ACOX3: variants seen among roughly 807,000 people sequenced by gnomAD.
ACOX3 encodes peroxisomal acyl-coenzyme A oxidase 3.
Under a neutral mutation model 81.5 loss-of-function variants are expected in ACOX3, and 73 were observed. The ratio of observed to expected loss-of-function variants is 0.90; its 90% confidence interval spans 0.74 to 1.09. The LOEUF (loss-of-function observed/expected upper bound fraction) is 1.09. Ranked by LOEUF, ACOX3 falls within the 50% of genes least tolerant of loss-of-function variation. The pLI is 0.00. For synonymous variants in ACOX3, 387 were observed against 375.1 expected (o/e 1.03, Z -0.37); for missense variants, 947 against 928.0 (o/e 1.02, Z -0.27).
intron 13 of ACOX3, among the ~76,000 whole-genome samples, chr4:8,383,871 T>C (rs1347442911): frequency 6.6e-6 from 1 of 152,158 alleles, no homozygotes; most frequent in East Asian, 1.9e-4. Context: ...CAAGGAAAGG[T>C]AGACGCCGTA....
chr4:8,392,987 TAAC>T (rs1352693980), intron 10 of ACOX3: 1 of 152,208 alleles, frequency 6.6e-6, no homozygotes, highest in Non-Finnish European at 1.5e-5. Flanking sequence ...CCCTCAGGCC[TAAC>T]ATGTTTTATT....
At chr4:8,402,647 T>C (rs1472017518) in intron 7 of ACOX3, among the ~76,000 whole-genome samples, 2 of 152,238 alleles carry the variant, frequency 1.3e-5, no homozygotes, top group Non-Finnish European at 2.9e-5. Flanking sequence ...ACAAAAGCTA[T>C]TACAGTGGTG....
chr4:8,422,621 A>G (rs779127091), intron 1 of ACOX3, among the ~76,000 whole-genome samples: 52 of 152,198 alleles, frequency 3.4e-4, no homozygotes, highest in Non-Finnish European at 6.2e-4. Context: ...ATTCGCTTTC[A>G]TCCTGATCTA....
rs959072391 is a variant in ACOX3 at position 8,423,707 on chromosome 4, G to A, written c.-14-7172C>T. On this transcript the variant is annotated intron_variant, in intron 1 of 17. Transcript: ENST00000356406. The surrounding 1 kb of genome is among the most constrained non-coding windows in gnomAD (Gnocchi z 4.2). ...TCCCAAATACCAGAGGAAGCAGAGT[G>A]GTTTACAGTCCTGGACCTTAAGGAT... Among the ~76,000 whole-genome samples the A allele has an allele frequency of 6.6e-6, 1 of 152,136 alleles. No homozygotes were observed. The highest frequency in any genetic ancestry group is 1.5e-5 in the Non-Finnish European group (1 of 68,032).
chr4:8,360,076 C>T, the ACOX3 span, among the ~76,000 whole-genome samples: 988 of 152,304 alleles, frequency 6.5e-3, 9 homozygotes, highest in Middle Eastern at 0.037. Flanking sequence ...GATGAGGTTT[C>T]CTTCTTGTCT....
intron 7 of ACOX3, among the ~76,000 whole-genome samples, chr4:8,401,913 C>T (rs1720413049): frequency 6.6e-6 from 1 of 152,220 alleles, no homozygotes; most frequent in Admixed American, 6.5e-5. Context: ...GAGGCGGACC[C>T]CAGGGTGGGA....
In ACOX3 at chr4:8,385,011, GC is replaced by G. The variant is rs1282807030; in HGVS notation, c.1538-3405del. ...TTCCAAGGAAGTGTTCAGGACTGTG[GC>G]CCCCCACACGCAGCAGCCCCCCACC... On this transcript the variant is annotated intron_variant, in intron 13 of 17. Transcript: ENST00000356406. The surrounding 1 kb of genome is among the most constrained non-coding windows in gnomAD (Gnocchi z 5.5). Among the ~76,000 whole-genome samples, 1 of 152,110 alleles carries G rather than the reference GC, an allele frequency of 6.6e-6. No individual in the cohort carries two copies. Among genetic ancestry groups the G allele is most frequent in the Non-Finnish European group, 1.5e-5 (1 of 68,016 alleles).
chr4:8,440,647 C>T lies in ACOX3; in HGVS notation c.-15+1G>A. 3 of 722,134 alleles carry T rather than the reference C, an allele frequency of 4.2e-6. No individual in the cohort carries two copies. The highest frequency in any genetic ancestry group is 5.1e-5 in the South Asian group (2 of 39,288). The allele number at this position is 722,134 out of a possible 1,614,324, so 44.7% of individuals were successfully genotyped here. A position where few individuals can be genotyped will look rare whatever the true frequency, so the allele number is the denominator to read the frequency against. On this transcript the variant is annotated splice_donor_variant, in intron 1 of 17. Transcript: ENST00000356406. LOFTEE classifies it low-confidence loss of function (5UTR_SPLICE). ...AATAAAACACAGGTCAAATTCCTCA[C>T]CCACACACTCCACAGTTCAACCCCT...
Position 8,406,858 on chromosome 4 carries a change from G to A in ACOX3, c.688-815C>T, listed in dbSNP as rs948742379. Among the ~76,000 whole-genome samples the A allele has an allele frequency of 4.6e-5, 7 of 152,204 alleles. No homozygotes were observed. Among genetic ancestry groups the A allele is most frequent in the African/African-American group, 7.2e-5 (3 of 41,456 alleles). On this transcript the variant is annotated intron_variant, in intron 6 of 17. Transcript: ENST00000356406. The surrounding 1 kb of genome is among the most constrained non-coding windows in gnomAD (Gnocchi z 5.6). The stretch of plus-strand genomic sequence containing the variant: ...ACTAGGAGCGTGACCACTGAAGCAC[G>A]GCATCACAGGGAGACGGTTAGTCCT...
rs769378828 is a variant in ACOX3 at position 8,406,026 on chromosome 4, G to C, written c.705C>G (p.Thr235=). The change falls in exon 7 of 18, where the codon ACC becomes ACG. Residue 235 remains threonine (T), a synonymous_variant. Transcript: ENST00000356406. This position sits in a 1 kb window ranked among gnomAD's most constrained non-coding sequence, Gnocchi z 5.6. The part of the protein sequence containing the change: ...PFIVQIRDPK[T]LLPMPGVMVG... The stretch of plus-strand genomic sequence containing the variant: ...CCATCACTCCAGGCATGGGAAGAAG[G>C]GTCTTCGGGTCCCGGATCTATACAA... 8.7e-6 allele frequency: 14 copies of C among 1,614,126 alleles called. No individual in the cohort carries two copies. In the South Asian group the frequency reaches 1.4e-4, roughly 16 times the overall value.
At chr4:8,426,296 G>A (rs1264683882) in intron 1 of ACOX3, among the ~76,000 whole-genome samples, 1 of 152,094 alleles carries the variant, frequency 6.6e-6, no homozygotes, top group African/African-American at 2.4e-5. Context: ...ATACTGGGAA[G>A]GACCCTACCC....
In ACOX3 at chr4:8,370,486, G is replaced by C. The variant is rs1716041466; in HGVS notation, c.1983+422C>G. 6.6e-6 allele frequency among the ~76,000 whole-genome samples: 1 copy of C among 151,788 alleles called. No homozygotes were observed. The highest frequency in any genetic ancestry group is 2.1e-4 in the South Asian group (1 of 4,814). ...CCCCGGTGACAACCATGGATGGTCAGAGGGGACAGAGGGGCCTGGGGATTC... is the reference window on the plus strand; with the variant it reads ...CCCCGGTGACAACCATGGATGGTCACAGGGGACAGAGGGGCCTGGGGATTC... On this transcript the variant is annotated intron_variant, in intron 17 of 17. Coordinates refer to ENST00000356406, the MANE Select transcript of ACOX3 (RefSeq NM_003501.3). The surrounding 1 kb of genome is among the most constrained non-coding windows in gnomAD (Gnocchi z 6.3).
chr4:8,371,054 G>T, intron 16 of ACOX3, 60 bp from the exon 17 acceptor site: 1 of 1,522,432 alleles, frequency 6.6e-7, no homozygotes, highest in Non-Finnish European at 9.1e-7. Context: ...GGTGACCAAA[G>T]CATAACAGCC....
At chr4:8,363,478 T>C (rs1302949751), downstream of ACOX3, among the ~76,000 whole-genome samples, 3 of 151,992 alleles carry the variant, frequency 2.0e-5, no homozygotes, top group Non-Finnish European at 4.4e-5. Flanking sequence ...TAGGCAGGAG[T>C]ATCATGGACC....
rs1279718650 is a variant in ACOX3, at chr4:8,423,249, C to T, written c.-14-6714G>A. Among the ~76,000 whole-genome samples the T allele has an allele frequency of 6.6e-6, 1 of 152,112 alleles. No individual in the cohort carries two copies. The highest frequency in any genetic ancestry group is 1.9e-4 in the East Asian group (1 of 5,190). On this transcript the variant is annotated intron_variant, in intron 1 of 17. Transcript: ENST00000356406. This position sits in a 1 kb window ranked among gnomAD's most constrained non-coding sequence, Gnocchi z 4.2. The stretch of plus-strand genomic sequence containing the variant: ...CTTGCCTTTCTAATTATGCCTGAAA[C>T]CCCCACACCCTTGTTAGGGAGATAC...
chr4:8,365,449 C>T (rs192059433), downstream of ACOX3, among the ~76,000 whole-genome samples: 1 of 152,244 alleles, frequency 6.6e-6, no homozygotes, highest in African/African-American at 2.4e-5. Flanking sequence ...TGGATACCAG[C>T]ACCTACCTAT....
rs1268084462 is a variant in ACOX3, at chr4:8,405,283, C to A, written c.776+672G>T. On this transcript the variant is annotated intron_variant, in intron 7 of 17. Transcript: ENST00000356406. This position sits in a 1 kb window ranked among gnomAD's most constrained non-coding sequence, Gnocchi z 7.1. Reference sequence around the variant, plus strand: ...TTCCCACTGCTTCCTCCACCTGAAACGCTGCACATTCCAAAATCACTGGCC... The same window carrying A: ...TTCCCACTGCTTCCTCCACCTGAAAAGCTGCACATTCCAAAATCACTGGCC... Among the ~76,000 whole-genome samples the A allele has an allele frequency of 1.3e-5, 2 of 152,182 alleles. No individual in the cohort carries two copies. Among genetic ancestry groups the A allele is most frequent in the African/African-American group, 4.8e-5 (2 of 41,444 alleles).
rs545443434 is a variant in ACOX3 at position 8,440,681 on chromosome 4, A to C, written c.-48T>G. 5.2e-5 allele frequency: 57 copies of C among 1,094,112 alleles called. No individual in the cohort carries two copies. In the South Asian group the frequency reaches 1.0e-3, roughly 20 times the overall value. 67.8% of individuals were successfully genotyped at this position (1,094,112 alleles called of 1,614,324 possible). On this transcript the variant is annotated 5_prime_UTR_variant, in exon 1 of 18. Transcript: ENST00000356406. ...TCCACAGTTCAACCCCTGCCAGGGA[A>C]ACCAAAAGCAGGAAAGGATCTCCAG...
chr4:8,364,504 T>A (rs575394358), downstream of ACOX3, among the ~76,000 whole-genome samples: 1 of 93,962 alleles, frequency 1.1e-5, no homozygotes, highest in Non-Finnish European at 2.4e-5. The surrounding 1 kb of genome is among the most constrained non-coding windows in gnomAD (Gnocchi z 5.0). Flanking sequence ...GTGTCTGACA[T>A]GGTGACATCG....
Sources: allele counts gnomAD v4.1 joint callset (sites outside exome capture counted in the v4.1 genomes callset), GRCh38; gene constraint gnomAD v4.1.1; non-coding constraint Gnocchi (gnomAD v3.1); transcripts MANE v1.5; gene names NCBI Gene and HGNC (gene_info 2026-07-23, HGNC 2026-07-21).